Variants in AUTS2 observed in about 807,000 individuals in gnomAD.
AUTS2 encodes the protein activator of transcription and developmental regulator AUTS2.
AUTS2 carries 17 observed loss-of-function variants against 112.4 expected under a neutral mutation model. The observed-to-expected ratio is 0.15, with a 90% CI of 0.10 to 0.23. The LOEUF is 0.23. AUTS2 is among the 10% of genes least tolerant of loss of function. The pLI is 1.00. For synonymous variants in AUTS2, 751 were observed against 702.7 expected (o/e 1.07, Z -1.09); for missense variants, 1,510 against 1,701.6 (o/e 0.89, Z 1.98).
intron 2 of AUTS2, among the ~76,000 whole-genome samples, chr7:70,097,838 G>A (rs1157894872): frequency 6.6e-6 from 1 of 152,236 alleles, no homozygotes; most frequent in African/African-American, 2.4e-5. Flanking sequence ...TTATCAGGCT[G>A]CTCCCTTGTA....
chr7:70,058,997 T>C (rs2129560427), intron 2 of AUTS2, among the ~76,000 whole-genome samples: 1 of 152,326 alleles, frequency 6.6e-6, no homozygotes, highest in Admixed American at 6.5e-5. Flanking sequence ...TTGCTACAGT[T>C]GATTAACTGG....
intron 1 of AUTS2, among the ~76,000 whole-genome samples, chr7:69,732,552 G>C (rs556222657): frequency 1.3e-4 from 20 of 151,804 alleles, no homozygotes; most frequent in Admixed American, 2.6e-4. Context: ...TATGTGTCCT[G>C]GTATTTCTTC....
chr7:70,198,183 CCCATCTGTACATCA>C (rs1267475906), intron 4 of AUTS2, among the ~76,000 whole-genome samples: 1 of 150,184 alleles, frequency 6.7e-6, no homozygotes, highest in Non-Finnish European at 1.5e-5. Flanking sequence ...ACACCGAAAA[CCCATCTGTACATCA>C]CCATCATCAA....
At chr7:70,570,585 C>G (rs1801896775) in intron 5 of AUTS2, among the ~76,000 whole-genome samples, 1 of 152,160 alleles carries the variant, frequency 6.6e-6, no homozygotes, top group Admixed American at 6.5e-5. Flanking sequence ...CTCTCCTATG[C>G]CTTCACTCCC....
chr7:70,471,598 A>G (rs1797385829), intron 5 of AUTS2, among the ~76,000 whole-genome samples: 1 of 152,150 alleles, frequency 6.6e-6, no homozygotes, highest in Non-Finnish European at 1.5e-5. Context: ...GGGGATATTA[A>G]TATCTCTCTC....
chr7:70,345,403 T>C (rs1171775131), intron 4 of AUTS2, among the ~76,000 whole-genome samples: 1 of 152,148 alleles, frequency 6.6e-6, no homozygotes, highest in Non-Finnish European at 1.5e-5. Flanking sequence ...CTCTTTAGTG[T>C]TAATTTCTTT....
At chr7:69,733,570 C>T (rs905546634) in intron 1 of AUTS2, among the ~76,000 whole-genome samples, 18 of 148,444 alleles carry the variant, frequency 1.2e-4, no homozygotes, top group African/African-American at 3.7e-4. Context: ...GAAGAGAGCA[C>T]CCCATTGAGA....
intron 1 of AUTS2, among the ~76,000 whole-genome samples, chr7:69,645,125 T>A (rs575175401): frequency 1.1e-4 from 17 of 150,144 alleles, no homozygotes; most frequent in African/African-American, 3.4e-4. Flanking sequence ...TTGCCCTGGC[T>A]GGTGTCAAAC....
At chr7:70,204,689 C>T (rs1810479038) in intron 4 of AUTS2, among the ~76,000 whole-genome samples, 1 of 152,046 alleles carries the variant, frequency 6.6e-6, no homozygotes, top group African/African-American at 2.4e-5. Context: ...AAGGCAGGAA[C>T]CTTCTGTTTA....
chr7:70,632,444 C>A (rs34361535), intron 5 of AUTS2, among the ~76,000 whole-genome samples: 50,599 of 151,558 alleles, frequency 0.33, 9,078 homozygotes, highest in East Asian at 0.54. Context: ...AGGGTGGACC[C>A]TGTGGCTTCT....
chr7:70,026,977 A>T (rs1563049600), intron 2 of AUTS2, among the ~76,000 whole-genome samples: 2 of 147,556 alleles, frequency 1.4e-5, no homozygotes. Context: ...GTGCAAAATC[A>T]TTTTTTTTTT....
intron 4 of AUTS2, among the ~76,000 whole-genome samples, chr7:70,234,089 G>A (rs1812194965): frequency 1.3e-5 from 2 of 152,174 alleles, no homozygotes; most frequent in Admixed American, 1.3e-4. Flanking sequence ...TTCTAACCAA[G>A]CTGTGGGCAT....
chr7:69,689,343 AT>A (rs530444257), intron 1 of AUTS2, among the ~76,000 whole-genome samples: 6,520 of 102,546 alleles, frequency 0.064, 41 homozygotes, highest in East Asian at 0.09. Context: ...TAATTAATTA[AT>A]TTTTTTTTTT....
At chr7:70,130,817 T>TTTGAGATGCAAACATGC (rs1343748669) in intron 3 of AUTS2, among the ~76,000 whole-genome samples, 5 of 152,178 alleles carry the variant, frequency 3.3e-5, no homozygotes, top group Non-Finnish European at 2.9e-5. Flanking sequence ...TGCAAACTGC[T>TTTGAGATGCAAACATGC]AAAATGTTCT....
chr7:69,928,490 GC>G (rs1233723008), intron 2 of AUTS2, among the ~76,000 whole-genome samples: 1 of 152,214 alleles, frequency 6.6e-6, no homozygotes, highest in African/African-American at 2.4e-5. Flanking sequence ...ATACTGAGCT[GC>G]CCTCAGCAGC....
At chr7:70,021,141 C>A (rs1311606766) in intron 2 of AUTS2, among the ~76,000 whole-genome samples, 1 of 152,092 alleles carries the variant, frequency 6.6e-6, no homozygotes, top group Non-Finnish European at 1.5e-5. Context: ...CGCCACCACA[C>A]CTGGCTAATT....
At chr7:70,668,695 G>A (rs1807475828) in intron 5 of AUTS2, among the ~76,000 whole-genome samples, 1 of 152,214 alleles carries the variant, frequency 6.6e-6, no homozygotes. Flanking sequence ...ATCACGTTAG[G>A]CAGTTAACAG....
intron 2 of AUTS2, among the ~76,000 whole-genome samples, chr7:70,011,446 C>G (rs899390608): frequency 2.6e-5 from 4 of 151,038 alleles, no homozygotes; most frequent in African/African-American, 7.3e-5. Flanking sequence ...CTTTTTGTTA[C>G]AAAAAAATGG....
At chr7:69,664,455 G>A (rs1562794968) in intron 1 of AUTS2, among the ~76,000 whole-genome samples, 1 of 152,152 alleles carries the variant, frequency 6.6e-6, no homozygotes, top group Non-Finnish European at 1.5e-5. Context: ...TTTTATAACT[G>A]TTTTAATTAA....
Sources: gnomAD v4.1 joint callset for allele counts (sites outside exome capture counted in the v4.1 genomes callset) on GRCh38, gnomAD v4.1.1 for gene constraint, MANE v1.5 for transcripts, NCBI Gene and HGNC (gene_info 2026-07-23, HGNC 2026-07-21) for gene names.